IL12RB2: variants seen among roughly 807,000 people sequenced by gnomAD.
IL12RB2 encodes interleukin 12 receptor subunit beta 2, also known as interleukin-12 receptor subunit beta-2.
A neutral mutation model predicts 89.4 loss-of-function variants in IL12RB2; 82 were observed. The observed-to-expected ratio is 0.92, with a 90% CI of 0.77 to 1.10. The LOEUF is 1.10. Among genes scored for constraint, IL12RB2 ranks in the 50% least tolerant of loss-of-function variants. The pLI, the probability that IL12RB2 is intolerant of heterozygous loss-of-function variation, is 0.00. For missense variants in IL12RB2, 963 were observed against 1,031.9 expected (o/e 0.93, Z 0.92); for synonymous variants, 368 against 370.1 (o/e 0.99, Z 0.07).
intron 14 of IL12RB2, 27 bp downstream of exon 14, chr1:67,380,150 G>A: frequency 1.2e-6 from 2 of 1,612,466 alleles, no homozygotes; most frequent in Non-Finnish European, 1.7e-6. Context: ...AGGATGATGA[G>A]TCCACCCTGG....
chr1:67,330,279 A>ATTTTTT (rs1253116402), intron 7 of IL12RB2, among the ~76,000 whole-genome samples: 1 of 111,974 alleles, frequency 8.9e-6, no homozygotes, highest in Non-Finnish European at 2.1e-5. Context: ...TTTTTAAAAA[A>ATTTTTT]AAAAAAAGCC....
At chr1:67,311,907 C>G (rs2001257) in intron 1 of IL12RB2, among the ~76,000 whole-genome samples, 6,661 of 151,998 alleles carry the variant, frequency 0.044, 163 homozygotes, top group Admixed American at 0.068. Flanking sequence ...TGAAAATACT[C>G]AGTGGTTGCT....
intron 10 of IL12RB2, 56 bp downstream of exon 10, chr1:67,351,145 C>T: frequency 6.3e-7 from 1 of 1,594,084 alleles, no homozygotes. Flanking sequence ...TTACTCATCT[C>T]TTATCTCCTG....
At chr1:67,358,449 G>T (rs1170671433) in intron 10 of IL12RB2, among the ~76,000 whole-genome samples, 1 of 152,028 alleles carries the variant, frequency 6.6e-6, no homozygotes, top group Non-Finnish European at 1.5e-5. Context: ...GGTGTTGTGG[G>T]CCTGTAATCC....
intron 4 of IL12RB2, among the ~76,000 whole-genome samples, chr1:67,326,123 A>G (rs1657250427): frequency 2.0e-5 from 3 of 152,258 alleles, no homozygotes; most frequent in Admixed American, 2.0e-4. Context: ...TAGATGGTAT[A>G]GCCCGGGAGG....
At chr1:67,309,036 A>C (rs1429521123) in intron 1 of IL12RB2, among the ~76,000 whole-genome samples, 1 of 146,642 alleles carries the variant, frequency 6.8e-6, no homozygotes, top group Non-Finnish European at 1.5e-5. Flanking sequence ...AAATACATAC[A>C]TACATATACA....
intron 14 of IL12RB2, 27 bp from the exon 15 acceptor site, chr1:67,386,552 C>CA: frequency 6.7e-7 from 1 of 1,487,904 alleles, no homozygotes; most frequent in Non-Finnish European, 9.4e-7. Flanking sequence ...ATAACTCACT[C>CA]AGTCACAGGA....
At chr1:67,344,668 T>C (rs1226221338) in intron 9 of IL12RB2, among the ~76,000 whole-genome samples, 3 of 152,226 alleles carry the variant, frequency 2.0e-5, no homozygotes, top group Non-Finnish European at 4.4e-5. Context: ...TAAAATTATT[T>C]GGATATTTTA....
intron 5 of IL12RB2, 80 bp from the exon 6 acceptor site, chr1:67,328,120 A>G (rs1657573149): frequency 2.0e-6 from 2 of 991,960 alleles, no homozygotes; most frequent in Non-Finnish European, 3.3e-6. Context: ...CTAAATATTT[A>G]AACATTTTGT....
Position 67,386,608 on chromosome 1 carries a change from C to A in IL12RB2, c.1885C>A (p.Pro629Thr), listed in dbSNP as rs1665178119. The change falls in exon 15 of 17, where the codon CCA (proline) becomes ACA (threonine). Residue 629 changes from proline (P) to threonine (T), a missense_variant. Transcript: ENST00000674203. Reference protein sequence around the residue: ...GKANWMAFVAPSICIAIIMVG... With the variant: ...GKANWMAFVATSICIAIIMVG... ...AGCCAATTGGATGGCGTTTGTGGCA[C>A]CAAGCATTTGCATTGCTATCATCAT... The A allele has an allele frequency of 2.5e-6, 4 of 1,613,492 alleles. No homozygotes were observed. In the African/African-American group the frequency reaches 5.3e-5, roughly 22 times the overall value.
chr1:67,350,297 G>C (rs1267483397), intron 9 of IL12RB2, among the ~76,000 whole-genome samples: 1 of 152,214 alleles, frequency 6.6e-6, no homozygotes, highest in Non-Finnish European at 1.5e-5. Context: ...TCCAAAAGTT[G>C]TTAGTTACAC....
chr1:67,379,284 C>A (rs937957081), intron 13 of IL12RB2, among the ~76,000 whole-genome samples: 1 of 151,464 alleles, frequency 6.6e-6, no homozygotes, highest in Admixed American at 6.6e-5. Flanking sequence ...CTAAGGCAGG[C>A]AGATTACTTG....
intron 1 of IL12RB2, among the ~76,000 whole-genome samples, chr1:67,309,045 C>CATATATATATATATATATATAT (rs146292829): frequency 6.7e-6 from 1 of 149,370 alleles, no homozygotes; most frequent in African/African-American, 2.5e-5. Context: ...CATACATATA[C>CATATATATATATATATATATAT]ATATATATAT....
intron 9 of IL12RB2, among the ~76,000 whole-genome samples, chr1:67,341,027 T>C (rs998116011): frequency 1.3e-5 from 2 of 152,186 alleles, no homozygotes; most frequent in African/African-American, 4.8e-5. Flanking sequence ...ACATCTCTTA[T>C]TGTTTAGAAA....
chr1:67,346,990 T>C (rs1298232357), intron 9 of IL12RB2, among the ~76,000 whole-genome samples: 1 of 152,170 alleles, frequency 6.6e-6, no homozygotes, highest in African/African-American at 2.4e-5. Flanking sequence ...TGCCAAGCAC[T>C]CTTTAAAACA....
intron 14 of IL12RB2, among the ~76,000 whole-genome samples, chr1:67,385,460 A>C (rs1665033454): frequency 6.6e-6 from 1 of 152,232 alleles, no homozygotes; most frequent in Non-Finnish European, 1.5e-5. Flanking sequence ...TTACAATTCA[A>C]GATGAGATTT....
chr1:67,331,210 T>A (rs1044047281), intron 8 of IL12RB2, among the ~76,000 whole-genome samples: 2 of 152,202 alleles, frequency 1.3e-5, no homozygotes, highest in African/African-American at 4.8e-5. Flanking sequence ...ATAAGCCATA[T>A]GGAAAGCTTG....
At chr1:67,346,746 T>C (rs1660283149) in intron 9 of IL12RB2, among the ~76,000 whole-genome samples, 1 of 152,164 alleles carries the variant, frequency 6.6e-6, no homozygotes, top group African/African-American at 2.4e-5. Context: ...TCATGAGTTT[T>C]AAAATCAAGA....
chr1:67,353,959 T>A (rs1474096178), intron 10 of IL12RB2, among the ~76,000 whole-genome samples: 1 of 152,204 alleles, frequency 6.6e-6, no homozygotes, highest in Non-Finnish European at 1.5e-5. Flanking sequence ...ATGTTAGAGT[T>A]CATTTCTACT....
Sources: gnomAD v4.1 joint callset for allele counts (sites outside exome capture counted in the v4.1 genomes callset) on GRCh38, gnomAD v4.1.1 for gene constraint, MANE v1.5 for transcripts, NCBI Gene and HGNC (gene_info 2026-07-23, HGNC 2026-07-21) for gene names.